The following DNAH5 variants were observed in gnomAD, a reference collection of about 807,000 sequenced individuals.
DNAH5 encodes dynein axonemal heavy chain 5, also known as axonemal beta dynein heavy chain 5.
DNAH5 carries 372 observed loss-of-function variants against 518.2 expected under a neutral mutation model. The ratio of observed to expected loss-of-function variants is 0.72; its 90% CI spans 0.66 to 0.78. The LOEUF (loss-of-function observed/expected upper bound fraction) is 0.78. DNAH5 is among the 30% of genes least tolerant of loss of function. The pLI, the probability that DNAH5 is intolerant of heterozygous loss-of-function variation, is 0.00. For missense variants in DNAH5, 5,523 were observed against 5,687.0 expected, an observed-to-expected ratio of 0.97 and a Z score of 0.93; for synonymous variants, 2,039 against 2,025.9, an observed-to-expected ratio of 1.01 and a Z score of -0.17.
intron 1 of DNAH5, among the ~76,000 whole-genome samples, chr5:13,938,372 G>C (rs939232178): frequency 6.6e-6 from 1 of 152,074 alleles, no homozygotes; most frequent in African/African-American, 2.4e-5. Context: ...CACATGAAGG[G>C]TAGATACAGT....
chr5:13,760,248 G>A (rs533916076), intron 60 of DNAH5, among the ~76,000 whole-genome samples: 3 of 152,130 alleles, frequency 2.0e-5, no homozygotes, highest in Admixed American at 2.0e-4. Flanking sequence ...ATTAAATGAA[G>A]CTGTCAACAA....
intron 47 of DNAH5, among the ~76,000 whole-genome samples, chr5:13,799,206 A>AC (rs70964509): frequency 0.41 from 56,046 of 138,320 alleles, 10,985 homozygotes; most frequent in East Asian, 0.68. Flanking sequence ...AGAATTTCAT[A>AC]CCCCCCCCCA....
At position 13,786,640 on chromosome 5, in the gene DNAH5, C is replaced by T. The variant is rs370129731; in HGVS notation, c.8648-289G>A. On this transcript the variant is annotated intron_variant, in intron 51 of 78. Coordinates refer to ENST00000265104, the MANE Select transcript of DNAH5 (RefSeq NM_001369.3). ...AACTGATTATTGGCATTTCAAAGGT[C>T]CTCCCAGATATATTAGCTTAATGGT... Among the ~76,000 whole-genome samples the T allele has an allele frequency of 3.9e-5, 6 of 152,246 alleles. 1 individual carries two copies. The South Asian group carries it at 6.2e-4, about 16-fold the overall frequency.
chr5:13,777,964 G>A (rs1197631651), intron 53 of DNAH5, among the ~76,000 whole-genome samples: 2 of 152,176 alleles, frequency 1.3e-5, no homozygotes, highest in Admixed American at 1.3e-4. Flanking sequence ...TTAGGTGGAA[G>A]TGAACCTACA....
intron 47 of DNAH5, among the ~76,000 whole-genome samples, chr5:13,806,351 T>A (rs1759585075): frequency 6.6e-6 from 1 of 152,120 alleles, no homozygotes; most frequent in Admixed American, 6.5e-5. Context: ...TAGCCCATAC[T>A]GGAAATCCTG....
chr5:13,804,746 G>A (rs955088837), intron 47 of DNAH5, among the ~76,000 whole-genome samples: 1 of 152,156 alleles, frequency 6.6e-6, no homozygotes, highest in African/African-American at 2.4e-5. Context: ...TCAGATAATG[G>A]GAGCCTAAGG....
intron 1 of DNAH5, among the ~76,000 whole-genome samples, chr5:13,959,292 C>T (rs1780987664): frequency 6.6e-6 from 1 of 152,174 alleles, no homozygotes; most frequent in Non-Finnish European, 1.5e-5. Context: ...TCGCAGAACT[C>T]CAAACTGCAG....
At position 13,830,653 on chromosome 5, in the gene DNAH5, A is replaced by G. The variant is rs1580464726; in HGVS notation, c.6005T>C (p.Val2002Ala). The G allele has an allele frequency of 6.2e-7, 1 of 1,614,090 alleles. No individual in the cohort carries two copies. The highest frequency in any genetic ancestry group is 1.3e-5 in the African/African-American group (1 of 74,942). Residue 2002 changes from valine (V) to alanine (A), a missense_variant, in exon 36 of 79, where the codon GTG becomes GCG. Around this residue, in one of 3 missense-constraint regions of DNAH5, gnomAD observed 5,121 missense variants for 5,223.3 expected, o/e 0.98. Coordinates refer to ENST00000265104, the MANE Select transcript of DNAH5 (RefSeq NM_001369.3). ...DMGRCLGKYV[V>A]VFNCSDQMDF... is the part of the protein sequence containing the mutation. ...CATCTGGTCTGAACAATTGAAAACCACGACGTATTTCCCGAGGCATCGTCC... is the reference window on the plus strand; with the variant it reads ...CATCTGGTCTGAACAATTGAAAACCGCGACGTATTTCCCGAGGCATCGTCC...
chr5:13,780,111 T>G (rs567226246), intron 53 of DNAH5, among the ~76,000 whole-genome samples: 3 of 152,216 alleles, frequency 2.0e-5, no homozygotes, highest in Non-Finnish European at 4.4e-5. Flanking sequence ...ACTTTACCTG[T>G]GCTGATTCTT....
intron 17 of DNAH5, among the ~76,000 whole-genome samples, chr5:13,889,151 GTTTC>G (rs1238405015): frequency 1.3e-5 from 2 of 152,118 alleles, no homozygotes; most frequent in African/African-American, 2.4e-5. Context: ...TAAAAGGCTA[GTTTC>G]TTTCCATTTT....
intron 42 of DNAH5, among the ~76,000 whole-genome samples, chr5:13,817,264 A>G (rs1761565636): frequency 6.6e-6 from 1 of 152,234 alleles, no homozygotes; most frequent in Admixed American, 6.5e-5. Flanking sequence ...ATTCAATATT[A>G]TCAATTTTCC....
intron 47 of DNAH5, among the ~76,000 whole-genome samples, chr5:13,799,607 T>C (rs1372533613): frequency 6.6e-6 from 1 of 152,228 alleles, no homozygotes; most frequent in African/African-American, 2.4e-5. Flanking sequence ...TTTCCATTTT[T>C]AGAATTGTTG....
intron 28 of DNAH5, 58 bp from the exon 29 acceptor site, chr5:13,862,805 A>G: frequency 7.4e-7 from 1 of 1,346,968 alleles, no homozygotes; most frequent in Non-Finnish European, 1.0e-6. Context: ...CTTCCTTAAT[A>G]GTCTACGTGC....
At chr5:13,717,264 T>C (rs952344053) in intron 73 of DNAH5, 51 bp downstream of exon 73, 19 of 1,538,034 alleles carry the variant, frequency 1.2e-5, no homozygotes, top group South Asian at 2.3e-5. Context: ...GTGAGCTTGA[T>C]GGCCCAAGCC....
chr5:13,765,397 T>C (rs1752384175), intron 59 of DNAH5, among the ~76,000 whole-genome samples: 1 of 152,192 alleles, frequency 6.6e-6, no homozygotes, highest in African/African-American at 2.4e-5. Flanking sequence ...TCATACAATA[T>C]TATTTCACAT....
At chr5:13,821,751 C>T (rs367918061) in intron 40 of DNAH5, among the ~76,000 whole-genome samples, 23 of 152,102 alleles carry the variant, frequency 1.5e-4, no homozygotes, top group Non-Finnish European at 3.2e-4. Flanking sequence ...AAATTACTAA[C>T]GTAAGTCATC....
At chr5:13,719,506 C>T (rs948746572) in intron 71 of DNAH5, among the ~76,000 whole-genome samples, 1 of 152,094 alleles carries the variant, frequency 6.6e-6, no homozygotes, top group Non-Finnish European at 1.5e-5. Flanking sequence ...AGAGTGAAGG[C>T]ATTATCATTA....
intron 2 of DNAH5, among the ~76,000 whole-genome samples, chr5:13,928,910 G>C (rs7720156): frequency 0.74 from 113,237 of 152,134 alleles, 42,497 homozygotes; most frequent in East Asian, 0.9. Context: ...GTAAATGGTG[G>C]AGCCGTTGTG....
intron 69 of DNAH5, 130 bp downstream of exon 69, chr5:13,729,309 A>G (rs962296877): frequency 7.9e-7 from 1 of 1,261,396 alleles, no homozygotes; most frequent in Non-Finnish European, 1.1e-6. Context: ...AAGAAGGTCA[A>G]GCACATGTAA....
Sources: allele counts gnomAD v4.1 joint callset (sites outside exome capture counted in the v4.1 genomes callset), GRCh38; gene constraint gnomAD v4.1.1; regional missense constraint gnomAD v4.1.1; transcripts MANE v1.5; gene names NCBI Gene and HGNC (gene_info 2026-07-23, HGNC 2026-07-21).